DIS3L2: variants seen among roughly 807,000 people sequenced by gnomAD.
The protein encoded by DIS3L2 is DIS3-like exonuclease 2.
A neutral mutation model predicts 97.5 loss-of-function variants in DIS3L2; 34 were observed. The observed-to-expected ratio is 0.35, with a 90% CI of 0.27 to 0.46. The LOEUF is 0.46. DIS3L2 is among the 20% of genes least tolerant of loss of function. The pLI is 1.00. For synonymous variants in DIS3L2, 435 were observed against 445.2 expected (o/e 0.98, Z 0.29); for missense variants, 1,038 against 1,146.0 (o/e 0.91, Z 1.36).
At chr2:232,342,289 G>GCATATATACACATATATA (rs1302690925) in intron 13 of DIS3L2, among the ~76,000 whole-genome samples, 3 of 150,320 alleles carry the variant, frequency 2.0e-5, no homozygotes, top group Non-Finnish European at 4.4e-5. Flanking sequence ...ACACATATAT[G>GCATATATACACATATATA]CATATATACA....
intron 5 of DIS3L2, among the ~76,000 whole-genome samples, chr2:232,031,164 A>G (rs916182035): frequency 4.6e-5 from 7 of 152,214 alleles, no homozygotes; most frequent in Non-Finnish European, 7.3e-5. Context: ...AAATTTTAGA[A>G]TACTGCCTAA....
chr2:232,333,690 C>A, intron 16 of DIS3L2, 150 bp from the exon 17 acceptor site: 1 of 1,242,846 alleles, frequency 8.0e-7, no homozygotes, highest in Non-Finnish European at 1.1e-6. Context: ...GGCCCTGGCC[C>A]CAGTCCTCCC....
chr2:232,322,140 A>G (rs1352848441), intron 14 of DIS3L2, among the ~76,000 whole-genome samples: 2 of 152,206 alleles, frequency 1.3e-5, no homozygotes, highest in Non-Finnish European at 2.9e-5. Context: ...TGGGCTCTGT[A>G]TTGAGTTCCC....
chr2:232,058,710 T>A (rs2106272598), intron 5 of DIS3L2, among the ~76,000 whole-genome samples: 1 of 152,286 alleles, frequency 6.6e-6, no homozygotes, highest in African/African-American at 2.4e-5. Flanking sequence ...CCCCTACTTT[T>A]CCCAGTGTGC....
chr2:232,023,146 T>C (rs1259712144), intron 3 of DIS3L2: 1 of 152,240 alleles, frequency 6.6e-6, no homozygotes, highest in Admixed American at 6.5e-5. Flanking sequence ...GTACCTCTGC[T>C]TTATGTTTTC....
At chr2:232,270,754 A>G (rs1186737514) in intron 13 of DIS3L2, among the ~76,000 whole-genome samples, 2 of 152,242 alleles carry the variant, frequency 1.3e-5, no homozygotes, top group African/African-American at 4.8e-5. Flanking sequence ...GTACCAATTT[A>G]TACTCCTTCA....
intron 5 of DIS3L2, among the ~76,000 whole-genome samples, chr2:232,044,463 G>A (rs1695185519): frequency 6.6e-6 from 1 of 152,124 alleles, no homozygotes; most frequent in African/African-American, 2.4e-5. Context: ...GTAATTGAGG[G>A]GATGGTGGCA....
Position 231,989,683 on chromosome 2 carries a change from A to G in DIS3L2, c.-93-25152A>G, listed in dbSNP as rs372446345. 3.3e-5 allele frequency among the ~76,000 whole-genome samples: 5 copies of G among 152,006 alleles called. No homozygotes were observed. The South Asian group carries it at 1.0e-3, about 32-fold the overall frequency. ...ACCTTGTCTCTACAAAAAAGTAGAAAAAATTAGTGGGGTGTGGTGGTATAC... is the reference window on the plus strand; with the variant it reads ...ACCTTGTCTCTACAAAAAAGTAGAAGAAATTAGTGGGGTGTGGTGGTATAC... On this transcript the variant is annotated intron_variant, in intron 1 of 20. Transcript: ENST00000325385.
At chr2:232,334,976 G>A in intron 19 of DIS3L2, 1 of 527,028 alleles carries the variant, frequency 1.9e-6, no homozygotes, top group Non-Finnish European at 3.4e-6. Context: ...CCCCTCCATG[G>A]CCAGTACAGC....
intron 9 of DIS3L2, among the ~76,000 whole-genome samples, chr2:232,202,648 C>A (rs906002490): frequency 6.6e-6 from 1 of 152,190 alleles, no homozygotes; most frequent in Non-Finnish European, 1.5e-5. Context: ...AGGGCCTGCC[C>A]ACAGTGCTGC....
At chr2:231,977,043 G>A (rs1693119846) in intron 1 of DIS3L2, among the ~76,000 whole-genome samples, 1 of 152,170 alleles carries the variant, frequency 6.6e-6, no homozygotes, top group African/African-American at 2.4e-5. Flanking sequence ...GGGATTACGG[G>A]TGTGAGCCAC....
chr2:232,247,551 C>T (rs1340056939), intron 11 of DIS3L2, among the ~76,000 whole-genome samples: 1 of 143,900 alleles, frequency 6.9e-6, no homozygotes, highest in East Asian at 2.1e-4. Context: ...CCTTACTTAC[C>T]TCTGAAAGAC....
chr2:232,192,774 ATTAATT>A (rs1210646009), intron 9 of DIS3L2, among the ~76,000 whole-genome samples: 2 of 152,194 alleles, frequency 1.3e-5, no homozygotes, highest in Non-Finnish European at 2.9e-5. Flanking sequence ...CAGCTGTTGC[ATTAATT>A]AAGACTTTTT....
chr2:232,155,936 G>A (rs532744655), intron 8 of DIS3L2, among the ~76,000 whole-genome samples: 16 of 151,822 alleles, frequency 1.1e-4, no homozygotes, highest in African/African-American at 3.9e-4. Context: ...CTTGCAGTGA[G>A]CTGAGATCGC....
At chr2:232,052,583 G>A (rs1418044175) in intron 5 of DIS3L2, among the ~76,000 whole-genome samples, 3 of 152,016 alleles carry the variant, frequency 2.0e-5, no homozygotes, top group Admixed American at 2.0e-4. Flanking sequence ...CCTTAATCTT[G>A]GGCACCACAT....
chr2:232,130,581 T>C, intron 6 of DIS3L2, 38 bp from the exon 7 acceptor site: 1 of 1,590,038 alleles, frequency 6.3e-7, no homozygotes, highest in Non-Finnish European at 8.6e-7. Flanking sequence ...ATGCATCTGG[T>C]TGATGACTCC....
At chr2:232,140,897 T>G (rs1698492748) in intron 8 of DIS3L2, among the ~76,000 whole-genome samples, 1 of 152,180 alleles carries the variant, frequency 6.6e-6, no homozygotes, top group East Asian at 1.9e-4. Flanking sequence ...CGCCCACATT[T>G]TTATGAATCT....
chr2:232,106,103 C>T (rs1288149634), intron 6 of DIS3L2, among the ~76,000 whole-genome samples: 1 of 152,190 alleles, frequency 6.6e-6, no homozygotes, highest in Non-Finnish European at 1.5e-5. Flanking sequence ...AGTCCATCTA[C>T]TGATCCCACT....
Position 232,163,595 on chromosome 2 carries a change from A to G in DIS3L2, c.1087A>G (p.Ile363Val), listed in dbSNP as rs540563766. 1.8e-5 allele frequency: 29 copies of G among 1,613,882 alleles called. No homozygotes were observed. Among genetic ancestry groups the G allele is most frequent in the South Asian group, 7.7e-5 (7 of 91,074 alleles). Reference protein sequence around the residue: ...ECLPQGLPWTIPPEEFSKRRD... With the variant: ...ECLPQGLPWTVPPEEFSKRRD... ...TCTTCCTCAAGGCCTGCCATGGACA[A>G]TTCCACCAGAGGAGTTCAGCAAGAG... Residue 363 changes from isoleucine (I) to valine (V), a missense_variant, in exon 9 of 21, where the codon ATT (isoleucine) becomes GTT (valine). Around this residue, in one of 3 missense-constraint regions of DIS3L2, gnomAD observed 813 missense variants for 880.1 expected, o/e 0.92. Coordinates refer to ENST00000325385, the MANE Select transcript of DIS3L2 (RefSeq NM_152383.5).
Sources: allele counts gnomAD v4.1 joint callset (sites outside exome capture counted in the v4.1 genomes callset), GRCh38; gene constraint gnomAD v4.1.1; regional missense constraint gnomAD v4.1.1; transcripts MANE v1.5; gene names NCBI Gene and HGNC (gene_info 2026-07-23, HGNC 2026-07-21).